RFFL: variants seen among roughly 807,000 people sequenced by gnomAD.
RFFL encodes ring finger and FYVE like domain containing E3 ubiquitin protein ligase, also known as E3 ubiquitin-protein ligase rififylin.
Under a neutral mutation model 40.4 loss-of-function variants are expected in RFFL, and 16 were observed. The ratio of observed to expected loss-of-function variants is 0.40; its 90% CI spans 0.27 to 0.60. The LOEUF (loss-of-function observed/expected upper bound fraction) is 0.60. RFFL is among the 20% of genes least tolerant of loss of function. The pLI is 0.47. For synonymous variants in RFFL, 154 were observed against 167.9 expected (o/e 0.92, Z 0.64); for missense variants, 367 against 451.7 (o/e 0.81, Z 1.70).
Position 35,007,209 on chromosome 17 carries a change from TCA to T in RFFL, c.*4757_*4758del, listed in dbSNP as rs2090901532. On this transcript the variant is annotated 3_prime_UTR_variant, in exon 7 of 7. Coordinates refer to ENST00000394597, the MANE Select transcript of RFFL (RefSeq NM_001017368.2). Reference sequence around the variant, plus strand: ...GGTTGCTTACACCCAGAGTGCACACTCACAGGAAAGGGCCTCTGCTGGCTGCA... The same window carrying T: ...GGTTGCTTACACCCAGAGTGCACACTCAGGAAAGGGCCTCTGCTGGCTGCA... 1 of 152,258 alleles carries T rather than the reference TCA, an allele frequency of 6.6e-6. No individual in the cohort carries two copies. The highest frequency in any genetic ancestry group is 2.4e-5 in the African/African-American group (1 of 41,442). 9.4% of individuals were successfully genotyped at this position (152,258 alleles called of 1,614,324 possible).
At chr17:35,060,763 T>C (rs2091286615) in intron 1 of RFFL, among the ~76,000 whole-genome samples, 1 of 152,122 alleles carries the variant, frequency 6.6e-6, no homozygotes, top group Admixed American at 6.6e-5. Context: ...GCTTCTAATA[T>C]TGCAAAGAAT....
rs532277335 is a variant in RFFL, at chr17:35,073,650, CCA to C, written c.-9+15453_-9+15454del. Among the ~76,000 whole-genome samples the C allele has an allele frequency of 1.1e-4, 17 of 152,244 alleles. No individual in the cohort carries two copies. In the East Asian group the frequency reaches 3.3e-3, roughly 29 times the overall value. ...GCTTCTTACTGAAAATGGTATATCA[CCA>C]TTTACTCCACTAACATCACTTACAA... On this transcript the variant is annotated intron_variant, in intron 1 of 6. Transcript: ENST00000315249.
At chr17:35,070,733 G>A (rs2091344262) in intron 1 of RFFL, among the ~76,000 whole-genome samples, 1 of 152,234 alleles carries the variant, frequency 6.6e-6, no homozygotes, top group Non-Finnish European at 1.5e-5. Context: ...ACCATGGCAG[G>A]GGTGCTAAAA....
chr17:35,015,808 A>G (rs1451848763), intron 5 of RFFL, among the ~76,000 whole-genome samples: 1 of 152,246 alleles, frequency 6.6e-6, no homozygotes, highest in Non-Finnish European at 1.5e-5. Flanking sequence ...ATAAATCAGT[A>G]ATGAAGATAT....
chr17:35,041,433 A>G (rs1030762339), intron 1 of RFFL, among the ~76,000 whole-genome samples: 4 of 152,166 alleles, frequency 2.6e-5, no homozygotes, highest in Admixed American at 6.5e-5. Context: ...TCTTCAAAAA[A>G]AAGTTCTTTA....
intron 1 of RFFL, among the ~76,000 whole-genome samples, chr17:35,054,301 T>C (rs2142360294): frequency 6.6e-6 from 1 of 152,336 alleles, no homozygotes; most frequent in East Asian, 1.9e-4. Context: ...AAATATTTAC[T>C]GTAAAACACA....
chr17:35,006,141 C>A lies in RFFL; in HGVS notation c.*5827G>T. 1 of 162,784 alleles carries A rather than the reference C, an allele frequency of 6.1e-6. No individual in the cohort carries two copies. Among genetic ancestry groups the A allele is most frequent in the Non-Finnish European group, 1.3e-5 (1 of 74,394 alleles). The allele number at this position is 162,784 out of a possible 1,614,324, so 10.1% of individuals were successfully genotyped here. A position where few individuals can be genotyped will look rare whatever the true frequency, so the allele number is the denominator to read the frequency against. On this transcript the variant is annotated 3_prime_UTR_variant, in exon 7 of 7. Coordinates refer to ENST00000394597, the MANE Select transcript of RFFL (RefSeq NM_001017368.2). The stretch of plus-strand genomic sequence containing the variant: ...ACCTGAGGCTGATTTATTTGAAGAA[C>A]AAAAGGAAGAGAGACAATTTAGTGT...
intron 1 of RFFL, among the ~76,000 whole-genome samples, chr17:35,034,147 A>C (rs1415997362): frequency 6.7e-6 from 1 of 150,174 alleles, no homozygotes; most frequent in African/African-American, 2.5e-5. Context: ...TGTCTCAAAA[A>C]AATAAAAAAT....
At chr17:35,023,644 C>A (rs966119070) in intron 2 of RFFL, among the ~76,000 whole-genome samples, 3 of 152,222 alleles carry the variant, frequency 2.0e-5, no homozygotes, top group Non-Finnish European at 4.4e-5. Flanking sequence ...GGCTTCAATG[C>A]CATAAACCTG....
At chr17:35,061,896 T>G (rs912963892) in intron 1 of RFFL, among the ~76,000 whole-genome samples, 1 of 151,764 alleles carries the variant, frequency 6.6e-6, no homozygotes, top group Non-Finnish European at 1.5e-5. Flanking sequence ...GCCAGGCTGG[T>G]CTCAAACTCC....
At chr17:35,081,012 C>T (rs911443058) in intron 1 of RFFL, among the ~76,000 whole-genome samples, 3 of 152,200 alleles carry the variant, frequency 2.0e-5, no homozygotes, top group African/African-American at 7.2e-5. Context: ...GAAGTGTGCT[C>T]AAATTCAAAT....
At chr17:35,045,700 T>TA (rs909483584) in intron 1 of RFFL, among the ~76,000 whole-genome samples, 27 of 151,000 alleles carry the variant, frequency 1.8e-4, no homozygotes, top group African/African-American at 2.4e-4. Context: ...GAGCGCTTTT[T>TA]AAAAAAAAAG....
Position 35,021,419 on chromosome 17 carries a change from A to G in RFFL, c.543T>C (p.Ser181=). The G allele has an allele frequency of 6.5e-7, 1 of 1,535,116 alleles. No individual in the cohort carries two copies. Among genetic ancestry groups the G allele is most frequent in the Non-Finnish European group, 8.7e-7 (1 of 1,144,714 alleles). Residue 181 remains serine, a synonymous_variant, in exon 3 of 7, where the codon TCT becomes TCC. Transcript: ENST00000394597. The stretch of plus-strand genomic sequence containing the variant: ...CTGGGGGAACAGAGGTGGCTTGTGC[A>G]GATGAAGAGGGGAGGTTGGGTGAGG... ...PPTSPNLPSS[S]AQATSVPPAQ...
rs1249324318 is a variant in RFFL, at chr17:35,010,235, A to G, written c.*1733T>C. 6.6e-6 allele frequency: 1 copy of G among 152,134 alleles called. No individual in the cohort carries two copies. Among genetic ancestry groups the G allele is most frequent in the Non-Finnish European group, 1.5e-5 (1 of 68,044 alleles). The allele number at this position is 152,134 out of a possible 1,614,324, so 9.4% of individuals were successfully genotyped here. A position where few individuals can be genotyped will look rare whatever the true frequency, so the allele number is the denominator to read the frequency against. On this transcript the variant is annotated 3_prime_UTR_variant, in exon 7 of 7. Transcript: ENST00000394597. ...TTCTAGTCTCAGATTTTTCAGCTGC[A>G]TGGGAGGGGTAAGGGGTGGGAGGTG...
upstream of RFFL, among the ~76,000 whole-genome samples, chr17:35,065,319 G>T (rs1048473633): frequency 3.9e-5 from 6 of 152,158 alleles, no homozygotes; most frequent in African/African-American, 1.2e-4. Flanking sequence ...ACTTTGGAAG[G>T]CCGAGGTGGG....
At chr17:35,044,472 C>T (rs2091185498) in intron 1 of RFFL, among the ~76,000 whole-genome samples, 1 of 152,146 alleles carries the variant, frequency 6.6e-6, no homozygotes, top group African/African-American at 2.4e-5. Context: ...CAAAAATTAG[C>T]CAGGCATGGT....
intron 1 of RFFL, among the ~76,000 whole-genome samples, chr17:35,055,092 G>C (rs1394673599): frequency 6.6e-6 from 1 of 151,842 alleles, no homozygotes; most frequent in African/African-American, 2.4e-5. Context: ...CAATTTTTTT[G>C]TATTTTTAGT....
Position 35,016,453 on chromosome 17 carries a change from T to G in RFFL, c.803A>C (p.Asn268Thr), listed in dbSNP as rs778572040. ...LKEILARNFV[N>T]YKGCCEKWEL... ...CCACTTCTCACAGCAGCCCTTGTAG[T>G]TGACAAAGTTGCGAGCCAAGATCTC... Residue 268 changes from asparagine to threonine, a missense_variant, in exon 5 of 7, where the codon AAC becomes ACC. Physicochemically the swap from Asn to Thr is moderately conservative, Grantham distance 65. Transcript: ENST00000394597. 1.1e-5 allele frequency: 18 copies of G among 1,614,084 alleles called. 1 individual carries two copies. Among genetic ancestry groups the G allele is most frequent in the Admixed American group, 3.3e-5 (2 of 60,008 alleles).
intron 1 of RFFL, among the ~76,000 whole-genome samples, chr17:35,077,908 T>C (rs2142383916): frequency 6.6e-6 from 1 of 152,366 alleles, no homozygotes; most frequent in East Asian, 1.9e-4. Context: ...TCAGCCAACC[T>C]AGCTTCTGGT....
Sources: gnomAD v4.1 joint callset for allele counts (sites outside exome capture counted in the v4.1 genomes callset) on GRCh38, gnomAD v4.1.1 for gene constraint, MANE v1.5 for transcripts, NCBI Gene and HGNC (gene_info 2026-07-23, HGNC 2026-07-21) for gene names.